Variants in CPNE2 observed in about 807,000 individuals in gnomAD.
CPNE2 encodes copine 2.
A neutral mutation model predicts 69.7 loss-of-function variants in CPNE2; 42 were observed. The ratio of observed to expected loss-of-function variants is 0.60; its 90% CI spans 0.47 to 0.78. CPNE2 has a LOEUF of 0.78. CPNE2 is among the 30% of genes least tolerant of loss of function. The pLI is 0.00. For synonymous variants in CPNE2, 294 were observed against 289.8 expected, an observed-to-expected ratio of 1.01 and a Z score of -0.15; for missense variants, 587 against 732.0, an observed-to-expected ratio of 0.80 and a Z score of 2.29.
At position 57,146,630 on chromosome 16, in the gene CPNE2, GGGGCTA is replaced by G; in HGVS notation, c.1539+310_1539+315del. On this transcript the variant is annotated intron_variant, in intron 15 of 15. Coordinates refer to ENST00000290776, the MANE Select transcript of CPNE2 (RefSeq NM_152727.6). The surrounding 1 kb of genome is among the most constrained non-coding windows in gnomAD (Gnocchi z 4.4). ...CTCTAGTGGGGTCTGATGAGAGGCTGGGGCTATCCATGTGGTGTAAAGTGCAGGAGG... is the reference window on the plus strand; with the variant it reads ...CTCTAGTGGGGTCTGATGAGAGGCTGTCCATGTGGTGTAAAGTGCAGGAGG... 2.8e-6 allele frequency: 1 copy of G among 360,968 alleles called. No homozygotes were observed. The highest frequency in any genetic ancestry group is 2.1e-5 in the African/African-American group (1 of 47,798). 22.4% of individuals were successfully genotyped at this position (360,968 alleles called of 1,614,324 possible).
intron 9 of CPNE2, among the ~76,000 whole-genome samples, chr16:57,122,083 G>A (rs3829501): frequency 0.61 from 92,751 of 152,192 alleles, 28,411 homozygotes; most frequent in Admixed American, 0.7. Context: ...CCCACGGTGG[G>A]CATGCAAGGG....
rs955894064 is a variant in CPNE2 at position 57,130,583 on chromosome 16, A to G, written c.1116+2680A>G. Among the ~76,000 whole-genome samples the G allele has an allele frequency of 3.3e-5, 5 of 151,954 alleles. No individual in the cohort carries two copies. Among genetic ancestry groups the G allele is most frequent in the Non-Finnish European group, 5.9e-5 (4 of 68,014 alleles). The stretch of plus-strand genomic sequence containing the variant: ...TTTCAACTAATTCTCACCAAAGCCA[A>G]TGAGGTAGGCCCTGTTATGAACCCA... On this transcript the variant is annotated intron_variant, in intron 12 of 15. Transcript: ENST00000290776. The surrounding 1 kb of genome is among the most constrained non-coding windows in gnomAD (Gnocchi z 4.1).
At position 57,147,704 on chromosome 16, in the gene CPNE2, C is replaced by T. The variant is rs768621730; in HGVS notation, c.*46C>T. ...CATGTCAGCTGAGCCTCCTGCCCTC[C>T]CCCAGGAACATGCACGCTCACTCTG... On this transcript the variant is annotated 3_prime_UTR_variant, in exon 16 of 16. Coordinates refer to ENST00000290776, the MANE Select transcript of CPNE2 (RefSeq NM_152727.6). 4.6e-6 allele frequency: 6 copies of T among 1,317,868 alleles called. No homozygotes were observed. The East Asian group carries it at 1.0e-4, about 22-fold the overall frequency. The allele number at this position is 1,317,868 out of a possible 1,614,324, so 81.6% of individuals were successfully genotyped here.
chr16:57,098,785 C>T lies in CPNE2; in HGVS notation c.-36+5995C>T, dbSNP rs142467685. Among the ~76,000 whole-genome samples, 734 of 152,190 alleles carry T rather than the reference C, an allele frequency of 4.8e-3. 4 individuals carry two copies. The highest frequency in any genetic ancestry group is 0.017 in the African/African-American group (701 of 41,500). On this transcript the variant is annotated intron_variant, in intron 1 of 15. Coordinates refer to ENST00000290776, the MANE Select transcript of CPNE2 (RefSeq NM_152727.6). ...CTGTGCCTCTGGGTGTTGGGAGCAACGAAATGGAAACAGGGTTTGGTTCCA... is the reference window on the plus strand; with the variant it reads ...CTGTGCCTCTGGGTGTTGGGAGCAATGAAATGGAAACAGGGTTTGGTTCCA...
At position 57,137,553 on chromosome 16, in the gene CPNE2, A is replaced by T. The variant is rs78998592; in HGVS notation, c.1302+271A>T. On this transcript the variant is annotated intron_variant, in intron 14 of 15. Coordinates refer to ENST00000290776, the MANE Select transcript of CPNE2 (RefSeq NM_152727.6). The stretch of plus-strand genomic sequence containing the variant: ...GTCTCCCCAGGGCGAGGTACTGGTT[A>T]TTCCCACAAGAGTAACAAGATGGAA... Among the ~76,000 whole-genome samples, 684 of 152,264 alleles carry T rather than the reference A, an allele frequency of 4.5e-3. 3 individuals are homozygous for T. Among genetic ancestry groups the T allele is most frequent in the African/African-American group, 0.016 (651 of 41,552 alleles).
At chr16:57,133,680 G>C (rs751974321) in intron 12 of CPNE2, among the ~76,000 whole-genome samples, 4 of 152,176 alleles carry the variant, frequency 2.6e-5, no homozygotes, top group Non-Finnish European at 5.9e-5. Flanking sequence ...GAAAATCCCT[G>C]GGGGAGGAAT....
At chr16:57,116,433 G>A (rs1208553642) in intron 4 of CPNE2, among the ~76,000 whole-genome samples, 1 of 152,126 alleles carries the variant, frequency 6.6e-6, no homozygotes, top group Non-Finnish European at 1.5e-5. Context: ...TGCACCTGTA[G>A]CACTACTCCT....
At chr16:57,131,046 G>A (rs891732597) in intron 12 of CPNE2, among the ~76,000 whole-genome samples, 4 of 151,928 alleles carry the variant, frequency 2.6e-5, no homozygotes, top group Non-Finnish European at 5.9e-5. Flanking sequence ...CTGGGGAGTC[G>A]CTGCAGATGG....
intron 12 of CPNE2, among the ~76,000 whole-genome samples, chr16:57,134,074 C>G (rs1429051344): frequency 6.6e-6 from 1 of 152,214 alleles, no homozygotes; most frequent in Non-Finnish European, 1.5e-5. Context: ...CTTCTATACC[C>G]CGAAGCCATG....
rs1229602489 is a variant in CPNE2, at chr16:57,146,905, GT to G, written c.1539+585del. The G allele has an allele frequency of 2.5e-5, 4 of 157,524 alleles. No individual in the cohort carries two copies. Among genetic ancestry groups the G allele is most frequent in the African/African-American group, 9.6e-5 (4 of 41,574 alleles). The allele number at this position is 157,524 out of a possible 1,614,324, so 9.8% of individuals were successfully genotyped here. On this transcript the variant is annotated intron_variant, in intron 15 of 15. Coordinates refer to ENST00000290776, the MANE Select transcript of CPNE2 (RefSeq NM_152727.6). The surrounding 1 kb of genome is among the most constrained non-coding windows in gnomAD (Gnocchi z 4.4). ...GCCCTAGCAGCAGGGTCCATGAGGA[GT>G]CCCATAGGGGAGCAGTCTCTCCACT...
intron 5 of CPNE2, 60 bp downstream of exon 5, chr16:57,117,627 T>A: frequency 6.3e-7 from 1 of 1,582,412 alleles, no homozygotes. Flanking sequence ...GCCCCAGGGC[T>A]GTGTGGCCTC....
Position 57,125,942 on chromosome 16 carries a change from A to C in CPNE2, c.1010A>C (p.Glu337Ala). The change falls in exon 11 of 16, where the codon GAA (glutamate) becomes GCA (alanine). Residue 337 changes from glutamate (E) to alanine (A), a missense_variant. Transcript: ENST00000290776. ...LHYINPMGTN[E>A]YLSAIWAVGQ... ...TATATCAACCCTATGGGCACCAACG[A>C]ATATCTGTCGGCCATCTGGGCTGTT... 1 of 1,614,190 alleles carries C rather than the reference A, an allele frequency of 6.2e-7. No homozygotes were observed. The highest frequency in any genetic ancestry group is 8.5e-7 in the Non-Finnish European group (1 of 1,180,036).
chr16:57,138,309 T>C (rs1377487997), intron 14 of CPNE2, among the ~76,000 whole-genome samples: 1 of 152,052 alleles, frequency 6.6e-6, no homozygotes, highest in Non-Finnish European at 1.5e-5. Flanking sequence ...ATTCACCCAC[T>C]TCCCCATGGC....
At chr16:57,104,578 C>T (rs1361758117) in intron 1 of CPNE2, among the ~76,000 whole-genome samples, 1 of 152,196 alleles carries the variant, frequency 6.6e-6, no homozygotes, top group Non-Finnish European at 1.5e-5. Flanking sequence ...CCCCACCTTC[C>T]TCATTGATTA....
intron 14 of CPNE2, chr16:57,144,936 T>TA (rs1384119688): frequency 6.8e-5 from 10 of 147,198 alleles, no homozygotes; most frequent in South Asian, 2.2e-4. Flanking sequence ...AGACTCAGTC[T>TA]AAAAAAAAAA....
Position 57,146,204 on chromosome 16 carries a change from T to C in CPNE2, c.1422T>C (p.Asn474=). ...CCATCATCATCGTGGGCGTGGGCAA[T>C]GCGGACTTCGCTGCCATGGAGTTCC... ...PMSIIIVGVG[N]ADFAAMEFLD... The change falls in exon 15 of 16, where the codon AAT becomes AAC. Residue 474 remains asparagine, a synonymous_variant. Coordinates refer to ENST00000290776, the MANE Select transcript of CPNE2 (RefSeq NM_152727.6). The surrounding 1 kb of genome is among the most constrained non-coding windows in gnomAD (Gnocchi z 4.4). 2 of 1,570,228 alleles carry C rather than the reference T, an allele frequency of 1.3e-6. No individual in the cohort carries two copies. The highest frequency in any genetic ancestry group is 1.7e-6 in the Non-Finnish European group (2 of 1,156,648).
Position 57,119,601 on chromosome 16 carries a change from C to G in CPNE2, c.632C>G (p.Thr211Arg), listed in dbSNP as rs2069746426. Reference protein sequence around the residue: ...YTLDPVWKPFTVPLVSLCDGD... With the variant: ...YTLDPVWKPFRVPLVSLCDGD... ...CTGGACCCTGTGTGGAAGCCATTCA[C>G]AGTGCCCTTGGTGTCCCTGTGTGAT... Residue 211 changes from threonine (T) to arginine (R), a missense_variant, in exon 7 of 16, where the codon ACA becomes AGA. Around this residue, in one of 5 missense-constraint regions of CPNE2, gnomAD observed 269 missense variants for 300.5 expected, o/e 0.90. Transcript: ENST00000290776. 1 of 1,613,072 alleles carries G rather than the reference C, an allele frequency of 6.2e-7. No individual in the cohort carries two copies. The highest frequency in any genetic ancestry group is 1.7e-5 in the Admixed American group (1 of 59,784).
chr16:57,117,507 G>A lies in CPNE2; in HGVS notation c.447G>A (p.Gln149=), dbSNP rs377422146. 3.1e-6 allele frequency: 5 copies of A among 1,613,716 alleles called. No individual in the cohort carries two copies. The African/African-American group carries it at 5.3e-5, about 17-fold the overall frequency. The change falls in exon 5 of 16, where the codon CAG becomes CAA. Residue 149 remains glutamine (Q), a synonymous_variant. Coordinates refer to ENST00000290776, the MANE Select transcript of CPNE2 (RefSeq NM_152727.6). ...TCCCGGCCTTACAGATCGCTGCCCA[G>A]GAGCTGTCCGACAACCGCGTCATCA... ...AGKGLITIAA[Q]ELSDNRVITL... is the part of the protein sequence containing the mutation.
chr16:57,118,176 T>C (rs1450963350), intron 5 of CPNE2, among the ~76,000 whole-genome samples: 1 of 150,528 alleles, frequency 6.6e-6, no homozygotes, highest in East Asian at 1.9e-4. Flanking sequence ...TCTTTTTTTT[T>C]TTTTTTTGAG....
Sources: allele counts gnomAD v4.1 joint callset (sites outside exome capture counted in the v4.1 genomes callset), GRCh38; gene constraint gnomAD v4.1.1; regional missense constraint gnomAD v4.1.1; non-coding constraint Gnocchi (gnomAD v3.1); transcripts MANE v1.5; gene names NCBI Gene and HGNC (gene_info 2026-07-23, HGNC 2026-07-21).